CAND1: variants seen among roughly 807,000 people sequenced by gnomAD.
The protein encoded by CAND1 is cullin-associated NEDD8-dissociated protein 1.
A neutral mutation model predicts 108.5 loss-of-function variants in CAND1; 7 were observed. The observed-to-expected ratio is 0.06, with a 90% CI of 0.04 to 0.12. CAND1 has a LOEUF of 0.12. CAND1 is among the 10% of genes least tolerant of loss of function. CAND1 has a pLI of 1.00. For missense variants in CAND1, 941 were observed against 1,448.7 expected (o/e 0.65, Z 5.69); for synonymous variants, 534 against 512.0 (o/e 1.04, Z -0.58).
At position 67,302,604 on chromosome 12, in the gene CAND1, C is replaced by T; in HGVS notation, c.1282C>T (p.Leu428Phe). 1.2e-6 allele frequency: 2 copies of T among 1,606,856 alleles called. No homozygotes were observed. Among genetic ancestry groups the T allele is most frequent in the Non-Finnish European group, 1.7e-6 (2 of 1,173,986 alleles). Residue 428 changes from leucine (L) to phenylalanine (F), a missense_variant, in exon 8 of 15, where the codon CTT (leucine) becomes TTT (phenylalanine). Coordinates refer to ENST00000545606, the MANE Select transcript of CAND1 (RefSeq NM_018448.5). ...MEQGETPLTMLQSQVPNIVKA... is the reference protein window; with the variant it reads ...MEQGETPLTMFQSQVPNIVKA... ...GCAGGGAGAAACACCTTTAACAATGCTTCAGAGTCAGGTGGGTTTTAAAGT... is the reference window on the plus strand; with the variant it reads ...GCAGGGAGAAACACCTTTAACAATGTTTCAGAGTCAGGTGGGTTTTAAAGT...
Position 67,318,479 on chromosome 12 carries a change from C to A in CAND1, c.*5649C>A, listed in dbSNP as rs926694609. ...TTGTATAAAGCACTTAAAACAGTAC[C>A]TGGGACATACTAAGTAATATAATTG... On this transcript the variant is annotated 3_prime_UTR_variant, in exon 15 of 15. Coordinates refer to ENST00000545606, the MANE Select transcript of CAND1 (RefSeq NM_018448.5). 2 of 152,190 alleles carry A rather than the reference C, an allele frequency of 1.3e-5. No individual in the cohort carries two copies. Among genetic ancestry groups the A allele is most frequent in the Non-Finnish European group, 2.9e-5 (2 of 68,034 alleles). The allele number at this position is 152,190 out of a possible 1,614,324, so 9.4% of individuals were successfully genotyped here.
At chr12:67,307,154 G>C (rs2044895468) in intron 10 of CAND1, among the ~76,000 whole-genome samples, 1 of 152,112 alleles carries the variant, frequency 6.6e-6, no homozygotes, top group African/African-American at 2.4e-5. Context: ...GTCCACTGCT[G>C]CTTCAAGTCC....
In CAND1 at chr12:67,305,283, G is replaced by A; in HGVS notation, c.1615G>A (p.Ala539Thr). 4 of 1,614,084 alleles carry A rather than the reference G, an allele frequency of 2.5e-6. No homozygotes were observed. The highest frequency in any genetic ancestry group is 3.4e-6 in the Non-Finnish European group (4 of 1,180,020). The change falls in exon 10 of 15, where the codon GCA becomes ACA. Residue 539 changes from alanine to threonine, a missense_variant. Physicochemically the swap from Ala to Thr is moderately conservative, Grantham distance 58. Transcript: ENST00000545606. The surrounding 1 kb of genome is among the most constrained non-coding windows in gnomAD (Gnocchi z 4.4). ...GDPFYKITSE[A>T]LLVTQQLVKV... is the part of the protein sequence containing the mutation. Reference sequence around the variant, plus strand: ...CCCATTTTACAAAATTACATCTGAAGCACTTCTTGTTACTCAACAGCTTGT... The same window carrying A: ...CCCATTTTACAAAATTACATCTGAAACACTTCTTGTTACTCAACAGCTTGT...
chr12:67,302,402 A>G lies in CAND1; in HGVS notation c.1080A>G (p.Val360=), dbSNP rs762925939. The G allele has an allele frequency of 2.5e-6, 4 of 1,614,122 alleles. No homozygotes were observed. Among genetic ancestry groups the G allele is most frequent in the Non-Finnish European group, 3.4e-6 (4 of 1,179,922 alleles). The part of the protein sequence containing the change: ...RRAAAKCLDA[V]VSTRHEMLPE... ...CAGCTGCGAAGTGCTTGGATGCTGT[A>G]GTTAGCACAAGGCATGAAATGCTTC... The change falls in exon 8 of 15, where the codon GTA becomes GTG. Residue 360 remains valine (V), a synonymous_variant. Transcript: ENST00000545606.
chr12:67,310,079 G>A lies in CAND1; in HGVS notation c.3195+9G>A. ...AGGAGCTTATAAGAGAGGTAAGTTAGATCACACTGTTTATTTGAGCTTGTC... is the reference window on the plus strand; with the variant it reads ...AGGAGCTTATAAGAGAGGTAAGTTAAATCACACTGTTTATTTGAGCTTGTC... On this transcript the variant is annotated intron_variant, in intron 12 of 14. Transcript: ENST00000545606. 1.2e-6 allele frequency: 2 copies of A among 1,610,560 alleles called. No individual in the cohort carries two copies. Among genetic ancestry groups the A allele is most frequent in the South Asian group, 1.1e-5 (1 of 90,656 alleles).
chr12:67,299,237 A>G (rs1367731071), intron 7 of CAND1, 142 bp downstream of exon 7: 17 of 792,526 alleles, frequency 2.1e-5, no homozygotes, highest in East Asian at 2.9e-5. Flanking sequence ...GACAACAGCA[A>G]ATTAAGTTAG....
chr12:67,309,531 C>T (rs535028692), intron 11 of CAND1, among the ~76,000 whole-genome samples: 25 of 151,764 alleles, frequency 1.6e-4, no homozygotes, highest in Non-Finnish European at 3.5e-4. Context: ...ATTTTTGTTG[C>T]TGCTTTTAGT....
chr12:67,304,505 G>A, intron 8 of CAND1, 100 bp from the exon 9 acceptor site: 1 of 1,277,242 alleles, frequency 7.8e-7, no homozygotes, highest in African/African-American at 1.5e-5. Context: ...AACAAAAAAA[G>A]ATAAACTCTT....
intron 3 of CAND1, among the ~76,000 whole-genome samples, chr12:67,294,254 T>C (rs753349876): frequency 2.0e-5 from 3 of 152,212 alleles, no homozygotes; most frequent in Non-Finnish European, 4.4e-5. Flanking sequence ...TTGTTCTTTT[T>C]CTTCTCTCAT....
chr12:67,314,286 GCTTTAACATC>G lies in CAND1; in HGVS notation c.*1458_*1467del, dbSNP rs1045602434. The G allele has an allele frequency of 9.2e-5, 14 of 152,142 alleles. No individual in the cohort carries two copies. Among genetic ancestry groups the G allele is most frequent in the African/African-American group, 3.4e-4 (14 of 41,434 alleles). 9.4% of individuals were successfully genotyped at this position (152,142 alleles called of 1,614,324 possible). A position where few individuals can be genotyped will look rare whatever the true frequency, so the allele number is the denominator to read the frequency against. On this transcript the variant is annotated 3_prime_UTR_variant, in exon 15 of 15. Coordinates refer to ENST00000545606, the MANE Select transcript of CAND1 (RefSeq NM_018448.5). ...CACTTTTCCTGCTGTATTACTACCT[GCTTTAACATC>G]CAAATATACAGTGATTTTAAATGAT...
At chr12:67,292,411 A>G (rs970278921) in intron 2 of CAND1, among the ~76,000 whole-genome samples, 9 of 152,198 alleles carry the variant, frequency 5.9e-5, no homozygotes, top group South Asian at 2.1e-4. Flanking sequence ...TGATACTAGG[A>G]TGGAAATCAA....
At position 67,295,023 on chromosome 12, in the gene CAND1, A is replaced by G. The variant is rs778699147; in HGVS notation, c.368-10A>G. 4.4e-6 allele frequency: 7 copies of G among 1,606,064 alleles called. No homozygotes were observed. The highest frequency in any genetic ancestry group is 3.3e-4 in the Middle Eastern group (2 of 6,012). On this transcript the variant is annotated splice_polypyrimidine_tract_variant and intron_variant, in intron 3 of 14. Coordinates refer to ENST00000545606, the MANE Select transcript of CAND1 (RefSeq NM_018448.5). ...GCCTTGAAATTATTATTGGCTTCTT[A>G]TTCATGCAGGCTCTGCATTAGCTGC...
chr12:67,310,348 T>C, intron 13 of CAND1, 32 bp downstream of exon 13: 1 of 1,502,930 alleles, frequency 6.7e-7, no homozygotes, highest in Non-Finnish European at 9.1e-7. Flanking sequence ...ATACAATGTT[T>C]TAGAAGAAGA....
intron 7 of CAND1, among the ~76,000 whole-genome samples, chr12:67,300,940 T>C (rs1180762765): frequency 6.6e-6 from 1 of 152,188 alleles, no homozygotes; most frequent in Non-Finnish European, 1.5e-5. Flanking sequence ...TCACTTAGTA[T>C]GAATTATACC....
At chr12:67,296,544 C>T (rs536462809) in intron 4 of CAND1, among the ~76,000 whole-genome samples, 8 of 151,910 alleles carry the variant, frequency 5.3e-5, no homozygotes, top group South Asian at 2.1e-4. Context: ...AAGTGATTCT[C>T]GTGCCTCAGC....
chr12:67,307,258 G>A (rs145593296), intron 10 of CAND1, 139 bp from the exon 11 acceptor site: 1 of 627,630 alleles, frequency 1.6e-6, no homozygotes, highest in Non-Finnish European at 2.9e-6. Context: ...ATTCATGTGT[G>A]CAATAAGAAA....
At position 67,314,203 on chromosome 12, in the gene CAND1, T is replaced by G. The variant is rs1254022412; in HGVS notation, c.*1373T>G. 1.3e-5 allele frequency: 2 copies of G among 152,172 alleles called. No individual in the cohort carries two copies. The highest frequency in any genetic ancestry group is 2.4e-5 in the African/African-American group (1 of 41,444). 9.4% of individuals were successfully genotyped at this position (152,172 alleles called of 1,614,324 possible). On this transcript the variant is annotated 3_prime_UTR_variant, in exon 15 of 15. Transcript: ENST00000545606. The stretch of plus-strand genomic sequence containing the variant: ...GCAGTTGTTAAATTGAGTGACCAAT[T>G]TAAGCAATCAGATATTTGAAAACTG...
At chr12:67,276,778 A>AAACCTCAGTGTTATTACTAAC (rs2044573763) in intron 1 of CAND1, among the ~76,000 whole-genome samples, 2 of 152,192 alleles carry the variant, frequency 1.3e-5, no homozygotes, top group Non-Finnish European at 2.9e-5. Context: ...AGGTTTAGTT[A>AAACCTCAGTGTTATTACTAAC]TGAGTCTCAG....
chr12:67,289,468 A>G (rs1050964735), intron 2 of CAND1, among the ~76,000 whole-genome samples: 1 of 152,106 alleles, frequency 6.6e-6, no homozygotes, highest in African/African-American at 2.4e-5. Context: ...GGCTCACTGC[A>G]GCCTTGACTT....
Sources: gnomAD v4.1 joint callset for allele counts (sites outside exome capture counted in the v4.1 genomes callset) on GRCh38, gnomAD v4.1.1 for gene constraint, Gnocchi (gnomAD v3.1) non-coding constraint, MANE v1.5 for transcripts, NCBI Gene and HGNC (gene_info 2026-07-23, HGNC 2026-07-21) for gene names.